Variants in TMTC2 observed in about 807,000 individuals in gnomAD.
TMTC2 encodes the protein protein O-mannosyl-transferase TMTC2.
A neutral mutation model predicts 82.4 loss-of-function variants in TMTC2; 43 were observed. The observed-to-expected ratio is 0.52, with a 90% CI of 0.41 to 0.67. TMTC2 has a LOEUF of 0.67. Among genes scored for constraint, TMTC2 ranks in the 30% least tolerant of loss-of-function variants. The pLI, the probability that TMTC2 is intolerant of heterozygous loss-of-function variation, is 0.00. For synonymous variants in TMTC2, 408 were observed against 381.9 expected, an observed-to-expected ratio of 1.07 and a Z score of -0.80; for missense variants, 919 against 1,012.4, an observed-to-expected ratio of 0.91 and a Z score of 1.25.
At chr12:83,025,244 A>G (rs939352888) in intron 8 of TMTC2, among the ~76,000 whole-genome samples, 6 of 151,990 alleles carry the variant, frequency 3.9e-5, no homozygotes, top group African/African-American at 1.4e-4. Flanking sequence ...GCCTATTTAT[A>G]TGTTGACTGG....
intron 1 of TMTC2, among the ~76,000 whole-genome samples, chr12:82,749,687 A>C (rs1875872826): frequency 1.3e-5 from 2 of 151,832 alleles, no homozygotes; most frequent in Admixed American, 1.3e-4. Flanking sequence ...GAACAAGGGT[A>C]AAGATTGTGT....
chr12:82,739,664 C>T lies in TMTC2; in HGVS notation c.83+51995C>T, dbSNP rs533850471. On this transcript the variant is annotated intron_variant, in intron 1 of 11. Transcript: ENST00000321196. The stretch of plus-strand genomic sequence containing the variant: ...TTATTTCTATAAGACATTTTACAAT[C>T]ATTGGTCAATAAACCAGACGTCTAA... Among the ~76,000 whole-genome samples, 106 of 151,038 alleles carry T rather than the reference C, an allele frequency of 7.0e-4. No homozygotes were observed. The South Asian group carries it at 0.017, about 24-fold the overall frequency.
At chr12:82,959,134 C>G (rs747617721) in intron 4 of TMTC2, among the ~76,000 whole-genome samples, 7 of 152,096 alleles carry the variant, frequency 4.6e-5, no homozygotes, top group Non-Finnish European at 8.8e-5. Context: ...GGTGAAAGTT[C>G]TCTACAAGTA....
chr12:83,006,313 A>G (rs10778928), intron 8 of TMTC2, among the ~76,000 whole-genome samples: 119,139 of 152,042 alleles, frequency 0.78, 47,716 homozygotes, highest in South Asian at 0.93. Context: ...GATTTGCTCC[A>G]TATTTTGGTC....
At chr12:82,869,653 A>T (rs1338319436) in intron 2 of TMTC2, among the ~76,000 whole-genome samples, 1 of 151,978 alleles carries the variant, frequency 6.6e-6, no homozygotes, top group African/African-American at 2.4e-5. Flanking sequence ...AGCCTGAGCA[A>T]CATGGTGAGA....
chr12:83,120,269 AG>A (rs1884906633), intron 11 of TMTC2, among the ~76,000 whole-genome samples: 2 of 152,198 alleles, frequency 1.3e-5, no homozygotes, highest in Admixed American at 1.3e-4. Flanking sequence ...TGCTTTAAAG[AG>A]GTTCTGTTTT....
At chr12:83,124,581 T>A (rs931115958) in intron 11 of TMTC2, among the ~76,000 whole-genome samples, 9 of 139,980 alleles carry the variant, frequency 6.4e-5, no homozygotes, top group African/African-American at 2.6e-5. Context: ...TTTTTTTTAA[T>A]GAGCAGAAGT....
chr12:82,799,609 G>C (rs1052422568), intron 1 of TMTC2, among the ~76,000 whole-genome samples: 3 of 152,138 alleles, frequency 2.0e-5, no homozygotes, highest in Non-Finnish European at 4.4e-5. Flanking sequence ...GATTAGTTCT[G>C]TGTGTCTCCC....
rs922813327 is a variant in TMTC2 at position 83,000,279 on chromosome 12, T to C, written c.2070+14233T>C. On this transcript the variant is annotated intron_variant, in intron 8 of 11. Transcript: ENST00000321196. ...CCTCCCAAGTAGCTGGGACTACAGG[T>C]GTATGCCACCATGCCTAGCAAATTT... 2.6e-5 allele frequency among the ~76,000 whole-genome samples: 4 copies of C among 152,058 alleles called. No individual in the cohort carries two copies. In the East Asian group the frequency reaches 7.8e-4, roughly 30 times the overall value.
At chr12:82,986,112 T>C (rs763456472) in intron 8 of TMTC2, 66 bp downstream of exon 8, 19 of 1,608,322 alleles carry the variant, frequency 1.2e-5, no homozygotes, top group Middle Eastern at 3.3e-4. Context: ...ATAGATGGGT[T>C]TGAGGTACTG....
intron 11 of TMTC2, among the ~76,000 whole-genome samples, chr12:83,083,334 T>C (rs1376662388): frequency 2.0e-5 from 3 of 152,206 alleles, no homozygotes; most frequent in Non-Finnish European, 4.4e-5. Context: ...AAAATTGCCA[T>C]GCTTTTTCTC....
rs893441284 is a variant in TMTC2, at chr12:82,823,508, T to A, written c.84-33502T>A. Among the ~76,000 whole-genome samples, 3 of 152,236 alleles carry A rather than the reference T, an allele frequency of 2.0e-5. No homozygotes were observed. In the South Asian group the frequency reaches 6.2e-4, roughly 31 times the overall value. ...CCATTTCCTGATTTGTTAAATCTAATTTGCTATGGAATTAAAAATCAAAGT... is the reference window on the plus strand; with the variant it reads ...CCATTTCCTGATTTGTTAAATCTAAATTGCTATGGAATTAAAAATCAAAGT... On this transcript the variant is annotated intron_variant, in intron 1 of 11. Coordinates refer to ENST00000321196, the MANE Select transcript of TMTC2 (RefSeq NM_152588.3).
chr12:82,814,850 A>C (rs781250373), intron 1 of TMTC2, among the ~76,000 whole-genome samples: 2 of 152,152 alleles, frequency 1.3e-5, no homozygotes, highest in African/African-American at 2.4e-5. Flanking sequence ...ATCCAGATGG[A>C]ATTATCTAAT....
At chr12:82,693,176 G>T (rs1167863191) in intron 1 of TMTC2, among the ~76,000 whole-genome samples, 1 of 152,144 alleles carries the variant, frequency 6.6e-6, no homozygotes, top group African/African-American at 2.4e-5. Context: ...ATGCTGATAG[G>T]TTGACCTCTG....
At chr12:83,028,081 T>C (rs10506886) in intron 8 of TMTC2, among the ~76,000 whole-genome samples, 89,940 of 151,870 alleles carry the variant, frequency 0.59, 27,166 homozygotes, top group South Asian at 0.73. Flanking sequence ...TATTGCTTTC[T>C]AGTGATGATT....
chr12:83,089,818 TA>T (rs1172033539), intron 11 of TMTC2, among the ~76,000 whole-genome samples: 3 of 142,508 alleles, frequency 2.1e-5, no homozygotes, highest in Non-Finnish European at 4.6e-5. Context: ...ATTGGCTTGA[TA>T]ATAGCAAAAA....
At chr12:82,791,549 A>G (rs1463869312) in intron 1 of TMTC2, among the ~76,000 whole-genome samples, 2 of 152,112 alleles carry the variant, frequency 1.3e-5, no homozygotes, top group Non-Finnish European at 2.9e-5. Context: ...AAGGGAAGGG[A>G]TTTAGTAACT....
At chr12:82,822,528 G>T (rs954938837) in intron 1 of TMTC2, among the ~76,000 whole-genome samples, 1 of 152,028 alleles carries the variant, frequency 6.6e-6, no homozygotes, top group Non-Finnish European at 1.5e-5. Context: ...TTTTTGGGGG[G>T]TGAGAGGGTT....
At chr12:83,029,046 G>A (rs546610167) in intron 8 of TMTC2, among the ~76,000 whole-genome samples, 1 of 152,330 alleles carries the variant, frequency 6.6e-6, no homozygotes, top group East Asian at 1.9e-4. Flanking sequence ...GCTATAGGTA[G>A]TAGAGACATT....
Sources: allele counts gnomAD v4.1 joint callset (sites outside exome capture counted in the v4.1 genomes callset), GRCh38; gene constraint gnomAD v4.1.1; transcripts MANE v1.5; gene names NCBI Gene and HGNC (gene_info 2026-07-23, HGNC 2026-07-21).